MAN2B2: variants seen among roughly 807,000 people sequenced by gnomAD.
MAN2B2 encodes the protein epididymis-specific alpha-mannosidase.
In MAN2B2, 106 loss-of-function variants were observed where a neutral mutation model predicts 117.1. The ratio of observed to expected loss-of-function variants is 0.90; its 90% confidence interval spans 0.77 to 1.06. The LOEUF (loss-of-function observed/expected upper bound fraction) is 1.06. Ranked by LOEUF, MAN2B2 falls within the 50% of genes least tolerant of loss-of-function variation. The probability of loss-of-function intolerance (pLI) is 0.00; values close to 1 mark genes in which losing one functional copy is unlikely to be tolerated. For missense variants in MAN2B2, 1,326 were observed against 1,381.4 expected (o/e 0.96, Z 0.64); for synonymous variants, 544 against 595.1 (o/e 0.91, Z 1.25).
At position 6,597,278 on chromosome 4, in the gene MAN2B2, A is replaced by G. The variant is rs1433650436; in HGVS notation, c.1223A>G (p.Gln408Arg). The G allele has an allele frequency of 6.4e-7, 1 of 1,566,914 alleles. No homozygotes were observed. The highest frequency in any genetic ancestry group is 8.7e-7 in the Non-Finnish European group (1 of 1,156,032). ...CCCACCTGGGCCCTGCAGCAGCTCCAGCAGCTTCGCTGGGCCGTCTCCGAG... is the reference window on the plus strand; with the variant it reads ...CCCACCTGGGCCCTGCAGCAGCTCCGGCAGCTTCGCTGGGCCGTCTCCGAG... ...LDPTWALQQL[Q>R]QLRWAVSEVQ... is the part of the protein sequence containing the mutation. The change falls in exon 8 of 19, where the codon CAG becomes CGG. Residue 408 changes from glutamine (Q) to arginine (R), a missense_variant. By Grantham distance (43) the Gln-to-Arg change is conservative. Transcript: ENST00000285599.
intron 3 of MAN2B2, among the ~76,000 whole-genome samples, chr4:6,579,324 A>AT (rs1173412850): frequency 1.1e-5 from 1 of 93,172 alleles, no homozygotes. Context: ...CACCATCACC[A>AT]CCACCACCAC....
At chr4:6,585,103 C>T (rs892772510) in intron 3 of MAN2B2, among the ~76,000 whole-genome samples, 3 of 152,062 alleles carry the variant, frequency 2.0e-5, no homozygotes, top group African/African-American at 2.4e-5. Context: ...GCACAGCCTC[C>T]ACCCACACTC....
chr4:6,579,289 TCACCACCAC>T (rs1560634982), intron 3 of MAN2B2, among the ~76,000 whole-genome samples: 9 of 14,862 alleles, frequency 6.1e-4, no homozygotes, highest in African/African-American at 1.8e-3. Flanking sequence ...ACCATCACCA[TCACCACCAC>T]CATCACCACC....
chr4:6,608,818 T>A (rs1402693633), intron 11 of MAN2B2, among the ~76,000 whole-genome samples: 2 of 152,140 alleles, frequency 1.3e-5, no homozygotes, highest in Non-Finnish European at 2.9e-5. Flanking sequence ...GACCACAGCC[T>A]GGGTGAGCCA....
At chr4:6,579,180 TCACCATCACCAGCAC>T (rs1726256706) in intron 3 of MAN2B2, among the ~76,000 whole-genome samples, 2 of 20,956 alleles carry the variant, frequency 9.5e-5, no homozygotes, top group Non-Finnish European at 2.1e-4. Context: ...ACCACCACCA[TCACCATCACCAGCAC>T]CACCACCATC....
intron 18 of MAN2B2, 112 bp downstream of exon 18, chr4:6,620,156 C>A: frequency 1.2e-6 from 1 of 866,472 alleles, no homozygotes; most frequent in Non-Finnish European, 1.8e-6. Context: ...TGCGACCTTG[C>A]GAGGCTGCTT....
chr4:6,610,329 A>C (rs1727722899), intron 13 of MAN2B2, among the ~76,000 whole-genome samples: 1 of 152,000 alleles, frequency 6.6e-6, no homozygotes, highest in Non-Finnish European at 1.5e-5. Context: ...GCTAATTTTT[A>C]TATTTTTAGT....
chr4:6,610,166 CT>C, intron 13 of MAN2B2, 116 bp downstream of exon 13: 43 of 1,434,212 alleles, frequency 3.0e-5, no homozygotes, highest in Non-Finnish European at 3.3e-5. Flanking sequence ...TGTTTTTTTC[CT>C]TTTTTTTAAG....
chr4:6,587,731 T>G (rs924949716), intron 4 of MAN2B2, among the ~76,000 whole-genome samples: 2 of 147,040 alleles, frequency 1.4e-5, no homozygotes, highest in African/African-American at 2.4e-5. Context: ...TTGGGTTTTT[T>G]GGGGTCTTTT....
chr4:6,611,152 G>C lies in MAN2B2; in HGVS notation c.2437G>C (p.Asp813His), dbSNP rs779616403. The change falls in exon 15 of 19, where the codon GAC (aspartate) becomes CAC (histidine). Residue 813 changes from aspartate (D) to histidine (H), a missense_variant. Physicochemically the swap from Asp to His is moderately conservative, Grantham distance 81. Coordinates refer to ENST00000285599, the MANE Select transcript of MAN2B2 (RefSeq NM_015274.3). The part of the protein sequence containing the change: ...WDLGYNLTLN[D>H]TSVVHPVLWL... The stretch of plus-strand genomic sequence containing the variant: ...CCTGGGCTACAACCTCACGCTGAAC[G>C]ACACCTCAGTCGTCCACCCAGTGCT... The C allele has an allele frequency of 6.2e-7, 1 of 1,613,932 alleles. No homozygotes were observed. The highest frequency in any genetic ancestry group is 1.1e-5 in the South Asian group (1 of 91,082).
chr4:6,575,359 AC>A lies in MAN2B2; in HGVS notation c.138+13del. 1 of 1,516,526 alleles carries A rather than the reference AC, an allele frequency of 6.6e-7. No homozygotes were observed. The highest frequency in any genetic ancestry group is 8.8e-7 in the Non-Finnish European group (1 of 1,130,680). 93.9% of individuals were successfully genotyped at this position (1,516,526 alleles called of 1,614,324 possible). A position where few individuals can be genotyped will look rare whatever the true frequency, so the allele number is the denominator to read the frequency against. ...GTCTACACTGTGCAGGTAGGTGCCGACCACGCCCCGCGCGCCCCTGAGGCTG... is the reference window on the plus strand; with the variant it reads ...GTCTACACTGTGCAGGTAGGTGCCGACACGCCCCGCGCGCCCCTGAGGCTG... On this transcript the variant is annotated intron_variant, in intron 1 of 18. Transcript: ENST00000285599.
rs1057500219 is a variant in MAN2B2, at chr4:6,621,422, T to C, written c.*137T>C. On this transcript the variant is annotated 3_prime_UTR_variant, in exon 19 of 19. Transcript: ENST00000285599. Reference sequence around the variant, plus strand: ...TCATCTGCAGGCTAATGGCAGGAAATGGTCATATTTGGGGTTTTTCCCTAA... The same window carrying C: ...TCATCTGCAGGCTAATGGCAGGAAACGGTCATATTTGGGGTTTTTCCCTAA... 4.6e-6 allele frequency: 3 copies of C among 650,788 alleles called. No individual in the cohort carries two copies. In the African/African-American group the frequency reaches 5.5e-5, roughly 12 times the overall value. The allele number at this position is 650,788 out of a possible 1,614,324, so 40.3% of individuals were successfully genotyped here.
intron 11 of MAN2B2, among the ~76,000 whole-genome samples, chr4:6,606,339 G>A (rs1727544758): frequency 6.6e-6 from 1 of 152,216 alleles, no homozygotes; most frequent in Non-Finnish European, 1.5e-5. Flanking sequence ...GGAAAGTGGG[G>A]CAGGTGCAGG....
In MAN2B2 at chr4:6,597,057, T is replaced by C. The variant is rs1727123520; in HGVS notation, c.1058-56T>C. 1.5e-5 allele frequency: 23 copies of C among 1,528,996 alleles called. No individual in the cohort carries two copies. The South Asian group carries it at 2.6e-4, about 17-fold the overall frequency. The allele number at this position is 1,528,996 out of a possible 1,614,324, so 94.7% of individuals were successfully genotyped here. A position where few individuals can be genotyped will look rare whatever the true frequency, so the allele number is the denominator to read the frequency against. ...TTCTCAGCTCTTCCAGGGCTGGAGC[T>C]TAGCAGACTTCTGGGTCATGCCGTC... On this transcript the variant is annotated intron_variant, in intron 7 of 18. Coordinates refer to ENST00000285599, the MANE Select transcript of MAN2B2 (RefSeq NM_015274.3).
rs755001899 is a variant in MAN2B2, at chr4:6,600,688, G to A, written c.1471G>A (p.Val491Ile). 8.1e-6 allele frequency: 13 copies of A among 1,613,898 alleles called. No individual in the cohort carries two copies. The highest frequency in any genetic ancestry group is 2.2e-5 in the South Asian group (2 of 91,086). ...GCTGGCCTGGACGGTCACCACCATC[G>A]TCACCCTGACTGTTGGTTTCCCTGG... ...NPLAWTVTTI[V>I]TLTVGFPGVR... The change falls in exon 10 of 19, where the codon GTC becomes ATC. Residue 491 changes from valine (V) to isoleucine (I), a missense_variant. Val to Ile is a conservative substitution (Grantham distance 29, BLOSUM62 3). Transcript: ENST00000285599.
Position 6,619,989 on chromosome 4 carries a change from G to C in MAN2B2, c.2877G>C (p.Trp959Cys). ...AGGAGCGCTCGCTCACAGGGACCTG[G>C]GATTTGAGCATGCTGCACCGCTGGA... ...AVEERSLTGT[W>C]DLSMLHRWSW... is the part of the protein sequence containing the mutation. Residue 959 changes from tryptophan (W) to cysteine (C), a missense_variant, in exon 18 of 19, where the codon TGG becomes TGC. Transcript: ENST00000285599. 1.9e-6 allele frequency: 3 copies of C among 1,613,994 alleles called. No homozygotes were observed. Among genetic ancestry groups the C allele is most frequent in the East Asian group, 2.2e-5 (1 of 44,870 alleles).
chr4:6,589,257 A>G, intron 5 of MAN2B2, 97 bp downstream of exon 5: 1 of 939,098 alleles, frequency 1.1e-6, no homozygotes, highest in Non-Finnish European at 1.7e-6. Context: ...TATTGGTTTT[A>G]AGACAAGAGC....
chr4:6,584,092 C>T (rs1726543760), intron 3 of MAN2B2, among the ~76,000 whole-genome samples: 1 of 152,204 alleles, frequency 6.6e-6, no homozygotes, highest in Admixed American at 6.5e-5. Flanking sequence ...CTCCCTAGTG[C>T]TGGCTGCCAA....
At chr4:6,590,223 A>C (rs928178655) in intron 5 of MAN2B2, among the ~76,000 whole-genome samples, 1 of 151,986 alleles carries the variant, frequency 6.6e-6, no homozygotes, top group Non-Finnish European at 1.5e-5. Flanking sequence ...AATACAAAAA[A>C]AGAAAAAAAA....
Sources: gnomAD v4.1 joint callset for allele counts (sites outside exome capture counted in the v4.1 genomes callset) on GRCh38, gnomAD v4.1.1 for gene constraint, MANE v1.5 for transcripts, NCBI Gene and HGNC (gene_info 2026-07-23, HGNC 2026-07-21) for gene names.